PGLS: variants seen among roughly 807,000 people sequenced by gnomAD.
The protein encoded by PGLS is epididymis secretory protein Li 304.
Under a neutral mutation model 23.2 loss-of-function variants are expected in PGLS, and 21 were observed. That is an observed-to-expected ratio of 0.91 (90% CI 0.64 to 1.31). The LOEUF is 1.31. Among genes scored for constraint, PGLS ranks in the 50% most tolerant of loss-of-function variants. The pLI is 0.00. For synonymous variants in PGLS, 179 were observed against 165.4 expected, an observed-to-expected ratio of 1.08 and a Z score of -0.63; for missense variants, 410 against 354.0, an observed-to-expected ratio of 1.16 and a Z score of -1.27.
rs1465696378 is a variant in PGLS, at chr19:17,517,304, C to G, written c.413C>G (p.Ser138Cys). 1.9e-6 allele frequency: 3 copies of G among 1,613,808 alleles called. No individual in the cohort carries two copies. Among genetic ancestry groups the G allele is most frequent in the Non-Finnish European group, 2.5e-6 (3 of 1,179,730 alleles). Residue 138 changes from serine to cysteine, a missense_variant, in exon 3 of 5, where the codon TCC (serine) becomes TGC (cysteine). Coordinates refer to ENST00000252603, the MANE Select transcript of PGLS (RefSeq NM_012088.3). Reference sequence around the variant, plus strand: ...CACGCCCAGGCATTCCAAGGGGACTCCATCCCGGTTTTCGACCTGCTGATC... The same window carrying G: ...CACGCCCAGGCATTCCAAGGGGACTGCATCCCGGTTTTCGACCTGCTGATC... The part of the protein sequence containing the change: ...KKLRQAFQGD[S>C]IPVFDLLILG...
chr19:17,517,886 G>A (rs1317065336), intron 4 of PGLS, 36 bp downstream of exon 4: 2 of 1,610,392 alleles, frequency 1.2e-6, no homozygotes, highest in Non-Finnish European at 8.5e-7. Context: ...GGAAGTTCAT[G>A]GGCATGTGGG....
At chr19:17,517,961 G>T (rs1599690797) in intron 4 of PGLS, 111 bp downstream of exon 4, 3 of 903,564 alleles carry the variant, frequency 3.3e-6, no homozygotes, top group East Asian at 3.4e-5. Context: ...AGAAAACTCA[G>T]TCATTCTTGG....
rs1343223742 is a variant in PGLS, at chr19:17,521,077, T to G, written c.773T>G (p.Leu258Trp). 2 of 1,597,824 alleles carry G rather than the reference T, an allele frequency of 1.3e-6. No homozygotes were observed. The highest frequency in any genetic ancestry group is 2.7e-5 in the African/African-American group (2 of 74,260). ...GTGCCCTTCGAGAAGCATTCCACTT[T>G]GTAGCTGGCCAGAGGGACGCCGCAG... ...LTVPFEKHST[L>W] The change falls in exon 5 of 5, where the codon TTG (leucine) becomes TGG (tryptophan). Residue 258 changes from leucine to tryptophan, a missense_variant. Coordinates refer to ENST00000252603, the MANE Select transcript of PGLS (RefSeq NM_012088.3).
chr19:17,516,681 T>C, intron 2 of PGLS, among the ~76,000 whole-genome samples: 1 of 148,178 alleles, frequency 6.7e-6, no homozygotes, highest in African/African-American at 2.5e-5. Context: ...GCCTCCCGGG[T>C]TCACACCATT....
chr19:17,521,055 C>A lies in PGLS; in HGVS notation c.751C>A (p.Pro251Thr). ...GGCGGCCGCCCGCCTCCTGACCGTG[C>A]CCTTCGAGAAGCATTCCACTTTGTA... ...DEAAARLLTV[P>T]FEKHSTL The change falls in exon 5 of 5, where the codon CCC becomes ACC. Residue 251 changes from proline (P) to threonine (T), a missense_variant. Transcript: ENST00000252603. 6.2e-7 allele frequency: 1 copy of A among 1,602,416 alleles called. No individual in the cohort carries two copies. The highest frequency in any genetic ancestry group is 8.5e-7 in the Non-Finnish European group (1 of 1,173,710).
Position 17,521,262 on chromosome 19 carries a change from C to T in PGLS, c.*181C>T, listed in dbSNP as rs1292180326. Reference sequence around the variant, plus strand: ...CACACAGGCTGTGGCTCTGGACATCCGGATATTAAAAGGAGCGTTGCTGGA... The same window carrying T: ...CACACAGGCTGTGGCTCTGGACATCTGGATATTAAAAGGAGCGTTGCTGGA... On this transcript the variant is annotated 3_prime_UTR_variant, in exon 5 of 5. Coordinates refer to ENST00000252603, the MANE Select transcript of PGLS (RefSeq NM_012088.3). The T allele has an allele frequency of 1.3e-5, 8 of 594,028 alleles. No homozygotes were observed. Among genetic ancestry groups the T allele is most frequent in the East Asian group, 3.1e-5 (1 of 32,262 alleles). 36.8% of individuals were successfully genotyped at this position (594,028 alleles called of 1,614,324 possible). A position where few individuals can be genotyped will look rare whatever the true frequency, so the allele number is the denominator to read the frequency against.
At position 17,516,170 on chromosome 19, in the gene PGLS, C is replaced by G; in HGVS notation, c.289-3C>G. ...GGTGACATTGTCCCTCTGTTGGCTGCAGACGCATCTTCTCTCCAGACTGCC... is the reference window on the plus strand; with the variant it reads ...GGTGACATTGTCCCTCTGTTGGCTGGAGACGCATCTTCTCTCCAGACTGCC... On this transcript the variant is annotated splice_polypyrimidine_tract_variant and splice_region_variant and intron_variant, in intron 1 of 4. Transcript: ENST00000252603. The G allele has an allele frequency of 6.2e-7, 1 of 1,611,506 alleles. No homozygotes were observed. Among genetic ancestry groups the G allele is most frequent in the Non-Finnish European group, 8.5e-7 (1 of 1,177,776 alleles).
intron 4 of PGLS, among the ~76,000 whole-genome samples, chr19:17,519,039 C>T (rs1017512841): frequency 1.3e-5 from 2 of 151,864 alleles, no homozygotes; most frequent in African/African-American, 2.4e-5. Flanking sequence ...TCAGGCGGGG[C>T]GCGGTGGCTT....
In PGLS at chr19:17,516,234, T is replaced by G. The variant is rs753076070; in HGVS notation, c.350T>G (p.Leu117Arg). Residue 117 changes from leucine (L) to arginine (R), a missense_variant, in exon 2 of 5, where the codon CTG becomes CGG. Physicochemically the swap from Leu to Arg is moderately radical, Grantham distance 102. Coordinates refer to ENST00000252603, the MANE Select transcript of PGLS (RefSeq NM_012088.3). ...CAGGTGATCACCATTAACCCCGAGCTGCCTGTGGAGGAGGCGGCTGAGGAC... is the reference window on the plus strand; with the variant it reads ...CAGGTGATCACCATTAACCCCGAGCGGCCTGTGGAGGAGGCGGCTGAGGAC... ...ESQVITINPE[L>R]PVEEAAEDYA... 3.1e-6 allele frequency: 5 copies of G among 1,613,922 alleles called. No individual in the cohort carries two copies. Among genetic ancestry groups the G allele is most frequent in the South Asian group, 2.2e-5 (2 of 91,086 alleles).
rs1027957506 is a variant in PGLS at position 17,515,586 on chromosome 19, G to A, written c.289-587G>A. ...TCCCTGTAGTGGGGCAGGTGCAGGC[G>A]GGGGTGGCTGCTCGGAGGAGGTGGC... On this transcript the variant is annotated intron_variant, in intron 1 of 4. Coordinates refer to ENST00000252603, the MANE Select transcript of PGLS (RefSeq NM_012088.3). Among the ~76,000 whole-genome samples the A allele has an allele frequency of 2.0e-5, 3 of 152,206 alleles. No individual in the cohort carries two copies. In the East Asian group the frequency reaches 5.8e-4, roughly 29 times the overall value.
intron 1 of PGLS, chr19:17,513,291 A>C (rs993385247): frequency 6.6e-6 from 1 of 152,096 alleles, no homozygotes; most frequent in Non-Finnish European, 1.5e-5. Context: ...GCACTTTGGG[A>C]GGCTGAGGCG....
chr19:17,514,887 G>A (rs2075525805), intron 1 of PGLS, among the ~76,000 whole-genome samples: 1 of 152,126 alleles, frequency 6.6e-6, no homozygotes, highest in African/African-American at 2.4e-5. Context: ...CCTGACCTCA[G>A]GTGATCCGCC....
chr19:17,516,380 C>T (rs2075532666), intron 2 of PGLS, 100 bp downstream of exon 2: 2 of 1,498,322 alleles, frequency 1.3e-6, no homozygotes, highest in Non-Finnish European at 1.8e-6. Flanking sequence ...GGAACTGCCC[C>T]AGGGATCACT....
intron 3 of PGLS, 133 bp from the exon 4 acceptor site, chr19:17,517,577 T>C: frequency 8.9e-7 from 1 of 1,123,146 alleles, no homozygotes; most frequent in Non-Finnish European, 1.3e-6. Flanking sequence ...AACAGGGACC[T>C]TAAACTACCC....
chr19:17,517,831 G>A lies in PGLS; in HGVS notation c.620G>A (p.Gly207Asp), dbSNP rs533662223. 9.0e-5 allele frequency: 146 copies of A among 1,614,094 alleles called. 2 individuals carry two copies. In the South Asian group the frequency reaches 1.2e-3, roughly 13 times the overall value. Residue 207 changes from glycine to aspartate, a missense_variant, in exon 4 of 5, where the codon GGC becomes GAC. Transcript: ENST00000252603. Reference sequence around the variant, plus strand: ...GTCATCTTTGTGGCAACTGGAGAAGGCAAGGCAGCTGTTCTGAAGGTAACA... The same window carrying A: ...GTCATCTTTGTGGCAACTGGAGAAGACAAGGCAGCTGTTCTGAAGGTAACA... The part of the protein sequence containing the change: ...RTVIFVATGE[G>D]KAAVLKRILE...
intron 3 of PGLS, 61 bp from the exon 4 acceptor site, chr19:17,517,649 G>C (rs1403132134): frequency 2.5e-6 from 4 of 1,580,034 alleles, no homozygotes; most frequent in Non-Finnish European, 3.5e-6. Flanking sequence ...GTGTGTGTAA[G>C]TGTCCAAGAA....
At position 17,517,691 on chromosome 19, in the gene PGLS, C is replaced by A. The variant is rs773647051; in HGVS notation, c.499-19C>A. ...GTGACATTGTCCTTCTGCCTCCATC[C>A]CTGGGCTTCCTCCCCAAGGAGCGGG... On this transcript the variant is annotated intron_variant, in intron 3 of 4. Transcript: ENST00000252603. 13 of 1,613,570 alleles carry A rather than the reference C, an allele frequency of 8.1e-6. No homozygotes were observed. The highest frequency in any genetic ancestry group is 1.6e-4 in the Middle Eastern group (1 of 6,084).
chr19:17,515,138 G>T (rs1200564476), intron 1 of PGLS, among the ~76,000 whole-genome samples: 4 of 152,096 alleles, frequency 2.6e-5, no homozygotes, highest in Admixed American at 2.6e-4. Flanking sequence ...GTGATAGCAG[G>T]CTGCATAGAT....
chr19:17,518,052 G>A (rs1426354341), intron 4 of PGLS, among the ~76,000 whole-genome samples: 1 of 149,940 alleles, frequency 6.7e-6, no homozygotes, highest in Non-Finnish European at 1.5e-5. Context: ...TTAAAGGCTA[G>A]TTAGGTATTA....
Sources: gnomAD v4.1 joint callset for allele counts (sites outside exome capture counted in the v4.1 genomes callset) on GRCh38, gnomAD v4.1.1 for gene constraint, MANE v1.5 for transcripts, NCBI Gene and HGNC (gene_info 2026-07-23, HGNC 2026-07-21) for gene names.